KLF8: variants seen among roughly 807,000 people sequenced by gnomAD.
KLF8 encodes the protein KLF transcription factor 8.
A neutral mutation model predicts 18.2 loss-of-function variants in KLF8; 10 were observed. That is an observed-to-expected ratio of 0.55 (90% CI 0.34 to 0.93). The LOEUF is 0.93. Among genes scored for constraint, KLF8 ranks in the 40% least tolerant of loss-of-function variants. The probability of loss-of-function intolerance (pLI) is 0.02; values close to 1 mark genes in which losing one functional copy is unlikely to be tolerated. For missense variants in KLF8, 264 were observed against 277.9 expected (o/e 0.95, Z 0.36); for synonymous variants, 109 against 97.3 (o/e 1.12, Z -0.71).
At chrX:56,160,936 T>G in the KLF8 span, among the ~76,000 whole-genome samples, 1 of 111,336 alleles carries the variant, frequency 9.0e-6, no homozygotes, top group Non-Finnish European at 1.9e-5. Context: ...GTCATTATGA[T>G]GTTAGCTGGT....
the KLF8 span, among the ~76,000 whole-genome samples, chrX:56,120,966 C>G: frequency 3.6e-5 from 4 of 110,878 alleles, no homozygotes; most frequent in Non-Finnish European, 7.6e-5. Context: ...GTGGGCAGAT[C>G]ACGAGGTCAG....
chrX:56,258,419 C>A (rs2066831724), intron 2 of KLF8, among the ~76,000 whole-genome samples: 1 of 110,972 alleles, frequency 9.0e-6, no homozygotes, highest in Admixed American at 9.6e-5. Context: ...ACCACAGGCG[C>A]CTGCCACCAC....
At chrX:56,185,469 A>T in the KLF8 span, among the ~76,000 whole-genome samples, 1 of 111,944 alleles carries the variant, frequency 8.9e-6, no homozygotes, top group African/African-American at 3.2e-5. Flanking sequence ...TATCCAGGAG[A>T]ACTTCCCCAA....
At chrX:55,911,468 T>A in the KLF8 span, among the ~76,000 whole-genome samples, 1 of 112,686 alleles carries the variant, frequency 8.9e-6, no homozygotes, top group African/African-American at 3.2e-5. Flanking sequence ...GCACTCTTTG[T>A]CAAGAAATTG....
chrX:56,045,743 G>T, the KLF8 span, among the ~76,000 whole-genome samples: 14 of 111,424 alleles, frequency 1.3e-4, no homozygotes, highest in African/African-American at 4.2e-4. Context: ...ACTGATTTGT[G>T]TACATTAAAT....
chrX:56,084,302 T>C, the KLF8 span, among the ~76,000 whole-genome samples: 2 of 110,814 alleles, frequency 1.8e-5, no homozygotes, highest in Non-Finnish European at 3.8e-5. Flanking sequence ...AGGATTGCTT[T>C]AGCCCTAGAA....
chrX:56,256,943 T>C (rs2066804601), intron 2 of KLF8, among the ~76,000 whole-genome samples: 2 of 112,200 alleles, frequency 1.8e-5, no homozygotes, highest in South Asian at 7.3e-4. Flanking sequence ...CCTCAGGTGA[T>C]CTGTCTGCCT....
the KLF8 span, among the ~76,000 whole-genome samples, chrX:56,141,090 A>T: frequency 9.0e-6 from 1 of 111,382 alleles, no homozygotes; most frequent in South Asian, 3.7e-4. Flanking sequence ...CAGCCTCCCA[A>T]GTAGCTGGGA....
At chrX:56,024,211 CTT>C in the KLF8 span, among the ~76,000 whole-genome samples, 36 of 94,220 alleles carry the variant, frequency 3.8e-4, no homozygotes, top group African/African-American at 6.9e-4. Context: ...TTTTTAATTT[CTT>C]TTTTTTTTTT....
At chrX:55,988,516 A>G in the KLF8 span, among the ~76,000 whole-genome samples, 3 of 111,388 alleles carry the variant, frequency 2.7e-5, no homozygotes, top group Admixed American at 9.5e-5. Flanking sequence ...AGTTGTAGAT[A>G]TGCGGCATTA....
chrX:55,979,624 G>A, the KLF8 span, among the ~76,000 whole-genome samples: 1 of 112,180 alleles, frequency 8.9e-6, no homozygotes, highest in Admixed American at 9.5e-5. Flanking sequence ...ATTACTCTTT[G>A]TGAAGCAGCA....
the KLF8 span, among the ~76,000 whole-genome samples, chrX:56,069,768 G>T: frequency 8.9e-6 from 1 of 111,886 alleles, no homozygotes; most frequent in African/African-American, 3.2e-5. Context: ...CAGCAGTCTT[G>T]CCCGGCTTCC....
the KLF8 span, among the ~76,000 whole-genome samples, chrX:56,105,257 C>T: frequency 2.7e-5 from 3 of 111,455 alleles, no homozygotes; most frequent in Non-Finnish European, 5.6e-5. Flanking sequence ...GAGTTCAAGT[C>T]CTGGATATCC....
rs1256654045 is a variant in KLF8 at position 56,233,233 on chromosome X, G to T, written c.-102G>T. 8 of 1,001,386 alleles carry T rather than the reference G, an allele frequency of 8.0e-6. No homozygotes were observed. The highest frequency in any genetic ancestry group is 1.1e-5 in the Non-Finnish European group (8 of 710,689). 82.5% of individuals were successfully genotyped at this position (1,001,386 alleles called of 1,213,427 possible). ...TCGCCCTGCGCTATGTCAGAATGGG[G>T]CGGGTGTGAGGGGAACAGCTCTCTT... On this transcript the variant is annotated 5_prime_UTR_variant, in exon 1 of 6. Coordinates refer to ENST00000468660, the MANE Select transcript of KLF8 (RefSeq NM_007250.5).
the KLF8 span, among the ~76,000 whole-genome samples, chrX:56,219,558 G>A: frequency 8.9e-6 from 1 of 112,104 alleles, no homozygotes; most frequent in Non-Finnish European, 1.9e-5. Flanking sequence ...CTATCACGAG[G>A]CTAGTGTCCA....
chrX:56,019,638 G>A, the KLF8 span, among the ~76,000 whole-genome samples: 2 of 111,758 alleles, frequency 1.8e-5, no homozygotes, highest in South Asian at 3.8e-4. Context: ...TTAGTGATGA[G>A]GGTTATGTGG....
At chrX:56,064,157 G>GTATA in the KLF8 span, among the ~76,000 whole-genome samples, 83 of 104,055 alleles carry the variant, frequency 8.0e-4, no homozygotes, top group African/African-American at 2.7e-3. Context: ...GTGTGTGTGT[G>GTATA]TATATATATA....
At chrX:55,963,901 A>T in the KLF8 span, among the ~76,000 whole-genome samples, 2 of 111,726 alleles carry the variant, frequency 1.8e-5, no homozygotes, top group East Asian at 2.8e-4. Context: ...TTTTTTAAAA[A>T]AGCCAAAATT....
At chrX:55,941,340 C>A in the KLF8 span, among the ~76,000 whole-genome samples, 1 of 111,951 alleles carries the variant, frequency 8.9e-6, no homozygotes, top group African/African-American at 3.2e-5. Context: ...CAACTGGATC[C>A]CTTCCTTACA....
Sources: gnomAD v4.1 joint callset for allele counts (sites outside exome capture counted in the v4.1 genomes callset) on GRCh38, gnomAD v4.1.1 for gene constraint, MANE v1.5 for transcripts, NCBI Gene and HGNC (gene_info 2026-07-23, HGNC 2026-07-21) for gene names.